The following SLC1A1 variants were observed in gnomAD, a reference collection of about 807,000 sequenced individuals.
SLC1A1 encodes the protein excitatory amino acid transporter 3.
In SLC1A1, 43 loss-of-function variants were observed where a neutral mutation model predicts 53.3. The observed-to-expected ratio is 0.81, with a 90% CI of 0.63 to 1.04. The LOEUF is 1.04. Ranked by LOEUF, SLC1A1 falls within the 50% of genes least tolerant of loss-of-function variation. SLC1A1 has a pLI of 0.00. For missense variants in SLC1A1, 748 were observed against 664.9 expected, an observed-to-expected ratio of 1.12 and a Z score of -1.37; for synonymous variants, 307 against 243.2, an observed-to-expected ratio of 1.26 and a Z score of -2.44.
At chr9:4,533,028 C>T (rs775137244) in intron 1 of SLC1A1, among the ~76,000 whole-genome samples, 2 of 152,108 alleles carry the variant, frequency 1.3e-5, no homozygotes, top group Admixed American at 6.6e-5. Flanking sequence ...GATTTTGTCA[C>T]CACTAGGCCT....
intron 1 of SLC1A1, among the ~76,000 whole-genome samples, chr9:4,522,717 G>A (rs1176604786): frequency 6.6e-6 from 1 of 152,182 alleles, no homozygotes; most frequent in African/African-American, 2.4e-5. Context: ...GAGAGAGAGT[G>A]TGAGCGTGTG....
intron 1 of SLC1A1, among the ~76,000 whole-genome samples, chr9:4,534,278 T>G (rs1295859917): frequency 6.6e-6 from 1 of 152,152 alleles, no homozygotes; most frequent in Non-Finnish European, 1.5e-5. Flanking sequence ...AGGAGCTGGT[T>G]TTTTGAAAAG....
chr9:4,542,010 C>G (rs1255245087), intron 1 of SLC1A1, among the ~76,000 whole-genome samples: 4 of 152,112 alleles, frequency 2.6e-5, no homozygotes, highest in Non-Finnish European at 2.9e-5. Context: ...TGCTTGAGAC[C>G]AAGATAAAGC....
At chr9:4,519,043 T>C (rs1448555555) in intron 1 of SLC1A1, among the ~76,000 whole-genome samples, 1 of 152,216 alleles carries the variant, frequency 6.6e-6, no homozygotes, top group Admixed American at 6.5e-5. Context: ...TTCAGCTGTA[T>C]TTATAAGACT....
chr9:4,548,187 G>A (rs6476877), intron 2 of SLC1A1, among the ~76,000 whole-genome samples: 96,323 of 151,834 alleles, frequency 0.63, 30,726 homozygotes, highest in Admixed American at 0.65. Flanking sequence ...TTCCCCTGCC[G>A]GCTCAGTGCC....
At position 4,537,955 on chromosome 9, in the gene SLC1A1, A is replaced by C. The variant is rs1422615333; in HGVS notation, c.92-6612A>C. On this transcript the variant is annotated intron_variant, in intron 1 of 11. Coordinates refer to ENST00000262352, the MANE Select transcript of SLC1A1 (RefSeq NM_004170.6). ...TCAAAAAAAATTTACAAAAAACTAC[A>C]TATATAGCCATTAAAAATTATGAGA... 6.6e-5 allele frequency among the ~76,000 whole-genome samples: 10 copies of C among 152,314 alleles called. No individual in the cohort carries two copies. The South Asian group carries it at 1.7e-3, about 25-fold the overall frequency.
chr9:4,561,016 C>CA (rs1466595748), intron 2 of SLC1A1, among the ~76,000 whole-genome samples: 1 of 150,778 alleles, frequency 6.6e-6, no homozygotes, highest in Non-Finnish European at 1.5e-5. Flanking sequence ...AACAAACAAA[C>CA]AACAACAACA....
intron 4 of SLC1A1, among the ~76,000 whole-genome samples, chr9:4,565,779 C>T (rs1410366961): frequency 6.6e-6 from 1 of 152,154 alleles, no homozygotes; most frequent in Non-Finnish European, 1.5e-5. Flanking sequence ...AGTCTCTTGA[C>T]TGTGAGTGTC....
intron 1 of SLC1A1, among the ~76,000 whole-genome samples, chr9:4,529,690 T>TG (rs1564010478): frequency 6.6e-6 from 1 of 151,286 alleles, no homozygotes; most frequent in Non-Finnish European, 1.5e-5. Context: ...ATGAAACTTT[T>TG]TTTGTGTGTG....
At chr9:4,571,411 C>T (rs1376643246) in intron 6 of SLC1A1, among the ~76,000 whole-genome samples, 1 of 152,186 alleles carries the variant, frequency 6.6e-6, no homozygotes, top group Non-Finnish European at 1.5e-5. Context: ...CACAGTGGCT[C>T]ACACCTGTAA....
intron 2 of SLC1A1, among the ~76,000 whole-genome samples, chr9:4,558,488 C>T (rs927216009): frequency 2.6e-5 from 4 of 152,138 alleles, no homozygotes; most frequent in African/African-American, 9.7e-5. Context: ...AAGATAGTTG[C>T]TGTGCTCCAG....
intron 1 of SLC1A1, among the ~76,000 whole-genome samples, chr9:4,543,024 G>C (rs1176587973): frequency 6.6e-6 from 1 of 152,114 alleles, no homozygotes; most frequent in Non-Finnish European, 1.5e-5. Flanking sequence ...TCAAGGCAAA[G>C]GTAGAATAGG....
chr9:4,494,387 G>A (rs1820341206), intron 1 of SLC1A1, among the ~76,000 whole-genome samples: 2 of 152,128 alleles, frequency 1.3e-5, no homozygotes, highest in South Asian at 4.2e-4. Flanking sequence ...GTTATTTTAA[G>A]GTAAATCTGA....
At chr9:4,573,866 C>T (rs1820297194) in intron 7 of SLC1A1, 41 bp from the exon 8 acceptor site, 1 of 1,386,074 alleles carries the variant, frequency 7.2e-7, no homozygotes, top group East Asian at 2.3e-5. Context: ...TGAGAAAGCA[C>T]TTGATGACGG....
chr9:4,551,236 A>G (rs1221813673), intron 2 of SLC1A1, among the ~76,000 whole-genome samples: 2 of 152,146 alleles, frequency 1.3e-5, no homozygotes, highest in South Asian at 2.1e-4. Flanking sequence ...AAGGCTATGT[A>G]TTCATTTACT....
chr9:4,583,132 G>A lies in SLC1A1; in HGVS notation c.1288G>A (p.Ala430Thr), dbSNP rs199857691. 1.2e-5 allele frequency: 20 copies of A among 1,614,210 alleles called. No individual in the cohort carries two copies. Among genetic ancestry groups the A allele is most frequent in the East Asian group, 2.2e-5 (1 of 44,888 alleles). The change falls in exon 11 of 12, where the codon GCC becomes ACC. Residue 430 changes from alanine to threonine, a missense_variant. Transcript: ENST00000262352. The surrounding 1 kb of genome is among the most constrained non-coding windows in gnomAD (Gnocchi z 4.6). Reference protein sequence around the residue: ...VIVLSAVGLPAEDVTLIIAVD... With the variant: ...VIVLSAVGLPTEDVTLIIAVD... ...TGTGCTGAGTGCCGTGGGCCTGCCC[G>A]CCGAGGATGTCACCCTGATCATTGC...
intron 11 of SLC1A1, among the ~76,000 whole-genome samples, chr9:4,584,886 C>T (rs1368043833): frequency 6.6e-6 from 1 of 152,208 alleles, no homozygotes; most frequent in African/African-American, 2.4e-5. Context: ...CCCACATGCA[C>T]ATGGTACATA....
intron 5 of SLC1A1, among the ~76,000 whole-genome samples, chr9:4,567,176 A>G (rs1819570096): frequency 6.6e-6 from 1 of 152,262 alleles, no homozygotes; most frequent in Non-Finnish European, 1.5e-5. Flanking sequence ...CTCACTGAAT[A>G]GCCCCAAGGG....
intron 3 of SLC1A1, among the ~76,000 whole-genome samples, chr9:4,561,999 C>A (rs563637332): frequency 2.2e-4 from 33 of 151,164 alleles, no homozygotes; most frequent in African/African-American, 7.8e-4. Context: ...CTCAAGGGAT[C>A]TGCCTGCCTC....
Sources: gnomAD v4.1 joint callset for allele counts (sites outside exome capture counted in the v4.1 genomes callset) on GRCh38, gnomAD v4.1.1 for gene constraint, Gnocchi (gnomAD v3.1) non-coding constraint, MANE v1.5 for transcripts, NCBI Gene and HGNC (gene_info 2026-07-23, HGNC 2026-07-21) for gene names.